The following TRHDE variants were observed in gnomAD, a reference collection of about 807,000 sequenced individuals.
The protein encoded by TRHDE is thyrotropin releasing hormone degrading enzyme.
A neutral mutation model predicts 125.7 loss-of-function variants in TRHDE; 72 were observed. The observed-to-expected ratio is 0.57, with a 90% CI of 0.47 to 0.70. The LOEUF is 0.70. Among genes scored for constraint, TRHDE ranks in the 30% least tolerant of loss-of-function variants. TRHDE has a pLI of 0.00. For synonymous variants in TRHDE, 509 were observed against 509.1 expected (o/e 1.00, Z 0.00); for missense variants, 1,110 against 1,327.1 (o/e 0.84, Z 2.54).
chr12:72,298,545 A>G (rs948279728), intron 2 of TRHDE, among the ~76,000 whole-genome samples: 25 of 152,154 alleles, frequency 1.6e-4, no homozygotes, highest in Admixed American at 6.5e-5. Context: ...GTTTTTGGCC[A>G]AGCCTTTATA....
chr12:72,575,418 A>G (rs2272504), intron 11 of TRHDE, 30 bp downstream of exon 11: 1 of 1,613,072 alleles, frequency 6.2e-7, no homozygotes, highest in Non-Finnish European at 8.5e-7. Flanking sequence ...ATCAAAGATA[A>G]TTTTTGGTAT....
intron 2 of TRHDE, among the ~76,000 whole-genome samples, chr12:72,151,167 T>C (rs1423319370): frequency 6.6e-6 from 1 of 152,232 alleles, no homozygotes; most frequent in East Asian, 1.9e-4. Context: ...GAGCATTTTT[T>C]CATGTGTCTG....
At chr12:72,231,367 A>G (rs1157512054) in intron 2 of TRHDE, among the ~76,000 whole-genome samples, 2 of 152,162 alleles carry the variant, frequency 1.3e-5, no homozygotes, top group African/African-American at 2.4e-5. Flanking sequence ...CATATTATGC[A>G]GTATTGACAA....
At chr12:72,450,102 A>G (rs991452422) in intron 3 of TRHDE, among the ~76,000 whole-genome samples, 2 of 152,106 alleles carry the variant, frequency 1.3e-5, no homozygotes, top group Non-Finnish European at 2.9e-5. Context: ...CAAAGAGTAC[A>G]AAATATCAGT....
At chr12:72,096,074 C>G (rs1874908700) in intron 1 of TRHDE, among the ~76,000 whole-genome samples, 1 of 151,044 alleles carries the variant, frequency 6.6e-6, no homozygotes, top group African/African-American at 2.4e-5. Context: ...AGATTTTGGA[C>G]TTGTCAGCCT....
intron 2 of TRHDE, among the ~76,000 whole-genome samples, chr12:72,312,651 C>G (rs772228735): frequency 3.3e-5 from 5 of 152,096 alleles, no homozygotes; most frequent in Admixed American, 3.3e-4. Context: ...CGGGAGGTCA[C>G]GAATTTACCA....
At chr12:72,395,202 CCTT>C (rs1872743348) in intron 3 of TRHDE, among the ~76,000 whole-genome samples, 1 of 152,120 alleles carries the variant, frequency 6.6e-6, no homozygotes, top group South Asian at 2.1e-4. Flanking sequence ...CCTTCTCCCT[CCTT>C]CTCCAATGAG....
intron 3 of TRHDE, among the ~76,000 whole-genome samples, chr12:72,461,064 C>T (rs1327875500): frequency 6.6e-6 from 1 of 152,130 alleles, no homozygotes; most frequent in Non-Finnish European, 1.5e-5. Flanking sequence ...AAAACACTGG[C>T]TGCCTATTAT....
chr12:72,300,882 C>G (rs1399975988), intron 2 of TRHDE, among the ~76,000 whole-genome samples: 2 of 152,074 alleles, frequency 1.3e-5, no homozygotes, highest in Admixed American at 1.3e-4. Flanking sequence ...AAGAAAACCT[C>G]AAAGTTTCAG....
chr12:72,451,125 A>C (rs1369257218), intron 3 of TRHDE, among the ~76,000 whole-genome samples: 4 of 151,828 alleles, frequency 2.6e-5, no homozygotes, highest in Admixed American at 2.6e-4. Flanking sequence ...TTTTAGTTTG[A>C]TATAATCTGA....
At chr12:72,394,039 T>C (rs1872702484) in intron 3 of TRHDE, among the ~76,000 whole-genome samples, 1 of 152,184 alleles carries the variant, frequency 6.6e-6, no homozygotes, top group Non-Finnish European at 1.5e-5. Flanking sequence ...ATATTACCCA[T>C]TATGTGCATT....
At chr12:72,604,658 T>C (rs1592567365) in intron 12 of TRHDE, among the ~76,000 whole-genome samples, 3 of 152,132 alleles carry the variant, frequency 2.0e-5, no homozygotes, top group Admixed American at 2.0e-4. Flanking sequence ...TTTGTCACTT[T>C]ATTTTGCACT....
chr12:72,654,139 G>A (rs2136111435), intron 17 of TRHDE, among the ~76,000 whole-genome samples: 1 of 152,208 alleles, frequency 6.6e-6, no homozygotes, highest in East Asian at 1.9e-4. Flanking sequence ...TAAAATTAAT[G>A]TATACAAACA....
At chr12:72,357,491 T>C (rs1254138092) in intron 2 of TRHDE, among the ~76,000 whole-genome samples, 1 of 151,568 alleles carries the variant, frequency 6.6e-6, no homozygotes, top group Non-Finnish European at 1.5e-5. Context: ...CTTATTTCCC[T>C]TAGCATAATG....
chr12:72,135,241 T>A (rs114394916), intron 2 of TRHDE, among the ~76,000 whole-genome samples: 5,381 of 152,304 alleles, frequency 0.035, 166 homozygotes, highest in African/African-American at 0.086. Flanking sequence ...TTCAGCTTTG[T>A]CAATTCTCTT....
chr12:72,498,963 ATGTGTGTGTGTG>A (rs72163048), intron 5 of TRHDE, among the ~76,000 whole-genome samples: 2 of 147,170 alleles, frequency 1.4e-5, no homozygotes, highest in East Asian at 2.0e-4. Flanking sequence ...CAGAAAATAA[ATGTGTGTGTGTG>A]TGTGTGTGTG....
intron 2 of TRHDE, among the ~76,000 whole-genome samples, chr12:72,116,682 C>A (rs911074883): frequency 6.6e-6 from 1 of 151,524 alleles, no homozygotes; most frequent in Non-Finnish European, 1.5e-5. Context: ...TCTGTTCATA[C>A]CTTTCGGCCA....
chr12:72,526,325 T>C (rs1292042846), intron 6 of TRHDE, among the ~76,000 whole-genome samples: 1 of 152,168 alleles, frequency 6.6e-6, no homozygotes, highest in African/African-American at 2.4e-5. Flanking sequence ...AGATAATTTA[T>C]TGCTAAAGTC....
chr12:72,110,713 A>G (rs1030678887), intron 2 of TRHDE, among the ~76,000 whole-genome samples: 3 of 152,136 alleles, frequency 2.0e-5, no homozygotes, highest in Non-Finnish European at 4.4e-5. Context: ...TTCTACAATG[A>G]TTTATTCCAT....
Sources: gnomAD v4.1 joint callset for allele counts (sites outside exome capture counted in the v4.1 genomes callset) on GRCh38, gnomAD v4.1.1 for gene constraint, MANE v1.5 for transcripts, NCBI Gene and HGNC (gene_info 2026-07-23, HGNC 2026-07-21) for gene names.